CD180: variants seen among roughly 807,000 people sequenced by gnomAD.
The protein encoded by CD180 is CD180 molecule, also known as CD180 antigen.
In CD180, 11 loss-of-function variants were observed where a neutral mutation model predicts 10.7. The ratio of observed to expected loss-of-function variants is 1.03; its 90% CI spans 0.65 to 1.70. The LOEUF is 1.70. Among genes scored for constraint, CD180 ranks in the 40% most tolerant of loss-of-function variants. The pLI is 0.00. For missense variants in CD180, 729 were observed against 775.2 expected (o/e 0.94, Z 0.71); for synonymous variants, 286 against 294.6 (o/e 0.97, Z 0.30).
At chr5:67,191,338 T>G (rs5744489) in intron 1 of CD180, among the ~76,000 whole-genome samples, 11,584 of 152,256 alleles carry the variant, frequency 0.076, 1,173 homozygotes, top group African/African-American at 0.23. Context: ...ATTAATGCGA[T>G]AATGTGTGTC....
At chr5:67,192,381 C>T (rs1022622495) in intron 1 of CD180, among the ~76,000 whole-genome samples, 4 of 151,628 alleles carry the variant, frequency 2.6e-5, no homozygotes, top group Admixed American at 1.3e-4. Context: ...AGTGAGACTC[C>T]GTCTCAAAAG....
At position 67,180,392 on chromosome 5, in the gene CD180, C is replaced by G. The variant is rs1581820112; in HGVS notation, c.*2465G>C. On this transcript the variant is annotated 3_prime_UTR_variant, in exon 3 of 3. Coordinates refer to ENST00000256447, the MANE Select transcript of CD180 (RefSeq NM_005582.3). ...ATCCCTAAGGCAAGAAAGAGCTTAC[C>G]TGTGACAGAATATGCAGGGACTCAA... 1 of 152,348 alleles carries G rather than the reference C, an allele frequency of 6.6e-6. No homozygotes were observed. Among genetic ancestry groups the G allele is most frequent in the East Asian group, 1.9e-4 (1 of 5,194 alleles). The allele number at this position is 152,348 out of a possible 1,614,324, so 9.4% of individuals were successfully genotyped here.
chr5:67,184,476 C>A lies in CD180; in HGVS notation c.367G>T (p.Gly123Trp), dbSNP rs1299290343. 3.1e-6 allele frequency: 5 copies of A among 1,614,004 alleles called. No individual in the cohort carries two copies. Among genetic ancestry groups the A allele is most frequent in the African/African-American group, 1.3e-5 (1 of 74,908 alleles). Residue 123 changes from glycine to tryptophan, a missense_variant, in exon 3 of 3, where the codon GGG (glycine) becomes TGG (tryptophan). Gly to Trp is a radical substitution (Grantham distance 184). Transcript: ENST00000256447. ...LIFMAETSLN[G>W]PKSLKHLFLI... ...AAAAGATGCTTCAGTGACTTGGGCC[C>A]ATTAAGCGATGTTTCTGCCATGAAT... is the stretch of plus-strand genomic sequence containing the variant.
chr5:67,185,460 T>C (rs1742173292), intron 2 of CD180, among the ~76,000 whole-genome samples: 1 of 152,204 alleles, frequency 6.6e-6, no homozygotes, highest in African/African-American at 2.4e-5. Context: ...ATTTTCCAAT[T>C]TGTAGGGGGG....
At chr5:67,192,349 T>C (rs1177908414) in intron 1 of CD180, among the ~76,000 whole-genome samples, 1 of 151,818 alleles carries the variant, frequency 6.6e-6, no homozygotes, top group African/African-American at 2.4e-5. Flanking sequence ...GTCACGCCAC[T>C]GCACTCGAGC....
chr5:67,183,919 A>G lies in CD180; in HGVS notation c.924T>C (p.Thr308=), dbSNP rs750273333. ...TQLQELDLTA[T]HLKGLPSGMK... ...TCCCAGAGGGTAACCCTTTCAAGTG[A>G]GTTGCTGTCAGATCCAATTCTTGGA... The change falls in exon 3 of 3, where the codon ACT becomes ACC. Residue 308 remains threonine, a synonymous_variant. Transcript: ENST00000256447. 1.9e-6 allele frequency: 3 copies of G among 1,614,198 alleles called. No homozygotes were observed. The highest frequency in any genetic ancestry group is 2.7e-5 in the African/African-American group (2 of 75,052).
rs1742004644 is a variant in CD180 at position 67,179,826 on chromosome 5, G to A, written c.*3031C>T. ...TTGCAGCTCATGCAGAGAGTCCTCT[G>A]TGATGGAGGCCAGTCAGCTTTTATG... On this transcript the variant is annotated 3_prime_UTR_variant, in exon 3 of 3. Transcript: ENST00000256447. 1 of 152,282 alleles carries A rather than the reference G, an allele frequency of 6.6e-6. No homozygotes were observed. The highest frequency in any genetic ancestry group is 2.1e-4 in the South Asian group (1 of 4,834). 9.4% of individuals were successfully genotyped at this position (152,282 alleles called of 1,614,324 possible). A position where few individuals can be genotyped will look rare whatever the true frequency, so the allele number is the denominator to read the frequency against.
chr5:67,184,071 T>C lies in CD180; in HGVS notation c.772A>G (p.Ile258Val). Residue 258 changes from isoleucine to valine, a missense_variant, in exon 3 of 3, where the codon ATT becomes GTT. Physicochemically the swap from Ile to Val is conservative, Grantham distance 29 (BLOSUM62 3). Coordinates refer to ENST00000256447, the MANE Select transcript of CD180 (RefSeq NM_005582.3). ...QSLWLGTFED[I>V]DDEDISSAML... is the part of the protein sequence containing the mutation. ...GCTGAACTAATATCTTCGTCATCAA[T>C]GTCCTCAAATGTTCCCAGCCAGAGA... The C allele has an allele frequency of 1.2e-6, 2 of 1,614,224 alleles. No homozygotes were observed. Among genetic ancestry groups the C allele is most frequent in the Non-Finnish European group, 1.7e-6 (2 of 1,180,040 alleles).
At chr5:67,188,245 A>T in intron 1 of CD180, among the ~76,000 whole-genome samples, 1 of 152,080 alleles carries the variant, frequency 6.6e-6, no homozygotes, top group East Asian at 1.9e-4. Context: ...ACCTTCCTCC[A>T]TGGAATCACA....
rs535861684 is a variant in CD180, at chr5:67,184,534, T to C, written c.309A>G (p.Leu103=). 3.3e-4 allele frequency: 531 copies of C among 1,608,080 alleles called. 4 individuals carry two copies. The South Asian group carries it at 5.5e-3, about 17-fold the overall frequency. Residue 103 remains leucine, a synonymous_variant, in exon 3 of 3, where the codon TTA becomes TTG. Coordinates refer to ENST00000256447, the MANE Select transcript of CD180 (RefSeq NM_005582.3). ...GATTTCCAGTTAACACAAGTGTGCT[T>C]AATTGATGATGGCTTTGAAAAGTGT... ...HEDTFQSHHQ[L]STLVLTGNPL... is the part of the protein sequence containing the mutation.
rs1447486007 is a variant in CD180, at chr5:67,186,181, T to G, written c.91-164A>C. The G allele has an allele frequency of 6.7e-6, 3 of 447,172 alleles. No individual in the cohort carries two copies. The Admixed American group carries it at 1.2e-4, about 19-fold the overall frequency. The allele number at this position is 447,172 out of a possible 1,614,324, so 27.7% of individuals were successfully genotyped here. A position where few individuals can be genotyped will look rare whatever the true frequency, so the allele number is the denominator to read the frequency against. On this transcript the variant is annotated intron_variant, in intron 1 of 2. Coordinates refer to ENST00000256447, the MANE Select transcript of CD180 (RefSeq NM_005582.3). ...GATGATGAATGCACATTGTTAACTG[T>G]AGTACTTTTTTTGTAATAGCAAAAT...
At chr5:67,196,398 C>G (rs1742404545) in intron 1 of CD180, among the ~76,000 whole-genome samples, 154 bp downstream of exon 1, 1 of 152,156 alleles carries the variant, frequency 6.6e-6, no homozygotes, top group South Asian at 2.1e-4. Flanking sequence ...TTCTTTGGCT[C>G]CTTTCTCACA....
chr5:67,179,816 A>C lies in CD180; in HGVS notation c.*3041T>G, dbSNP rs1289984796. ...GTTGTAGGAGTTGCAGCTCATGCAG[A>C]GAGTCCTCTGTGATGGAGGCCAGTC... On this transcript the variant is annotated 3_prime_UTR_variant, in exon 3 of 3. Transcript: ENST00000256447. 1 of 152,410 alleles carries C rather than the reference A, an allele frequency of 6.6e-6. No individual in the cohort carries two copies. The highest frequency in any genetic ancestry group is 3.4e-3 in the Middle Eastern group (1 of 294). The allele number at this position is 152,410 out of a possible 1,614,324, so 9.4% of individuals were successfully genotyped here.
rs1742041149 is a variant in CD180 at position 67,181,115 on chromosome 5, T to G, written c.*1742A>C. ...TGTCCCAGGCATGTTCTAGGGTATCTTTAGGCAAAGACCCTCTCATGGCAC... is the reference window on the plus strand; with the variant it reads ...TGTCCCAGGCATGTTCTAGGGTATCGTTAGGCAAAGACCCTCTCATGGCAC... On this transcript the variant is annotated 3_prime_UTR_variant, in exon 3 of 3. Coordinates refer to ENST00000256447, the MANE Select transcript of CD180 (RefSeq NM_005582.3). 6.6e-6 allele frequency: 1 copy of G among 152,142 alleles called. No individual in the cohort carries two copies. The highest frequency in any genetic ancestry group is 2.1e-4 in the South Asian group (1 of 4,828). 9.4% of individuals were successfully genotyped at this position (152,142 alleles called of 1,614,324 possible). A position where few individuals can be genotyped will look rare whatever the true frequency, so the allele number is the denominator to read the frequency against.
rs200675757 is a variant in CD180 at position 67,183,783 on chromosome 5, C to A, written c.1060G>T (p.Gly354Cys). 6 of 1,614,010 alleles carry A rather than the reference C, an allele frequency of 3.7e-6. No homozygotes were observed. The highest frequency in any genetic ancestry group is 5.1e-6 in the Non-Finnish European group (6 of 1,180,022). The stretch of plus-strand genomic sequence containing the variant: ...CCAAGGTGAAGTTTCTTCACGTTGC[C>A]TCTGATGTAGAGGTGTGTAAGGGAG... ...FPSLTHLYIRGNVKKLHLGVG... is the reference protein window; with the variant it reads ...FPSLTHLYIRCNVKKLHLGVG... The change falls in exon 3 of 3, where the codon GGC becomes TGC. Residue 354 changes from glycine to cysteine, a missense_variant. Gly to Cys is a radical substitution (Grantham distance 159). Coordinates refer to ENST00000256447, the MANE Select transcript of CD180 (RefSeq NM_005582.3).
intron 1 of CD180, among the ~76,000 whole-genome samples, chr5:67,194,668 T>G (rs1742368125): frequency 6.6e-6 from 1 of 152,234 alleles, no homozygotes; most frequent in Non-Finnish European, 1.5e-5. Flanking sequence ...TGCAATGCCG[T>G]AGTCTCAGTG....
At chr5:67,193,962 G>C (rs554442473) in intron 1 of CD180, among the ~76,000 whole-genome samples, 2 of 152,286 alleles carry the variant, frequency 1.3e-5, no homozygotes, top group African/African-American at 4.8e-5. Flanking sequence ...CTGATCACTG[G>C]GGGGATGGTG....
Position 67,184,587 on chromosome 5 carries a change from T to C in CD180, c.258-2A>G. 1 of 1,576,448 alleles carries C rather than the reference T, an allele frequency of 6.3e-7. No homozygotes were observed. Among genetic ancestry groups the C allele is most frequent in the Middle Eastern group, 1.7e-4 (1 of 5,936 alleles). On this transcript the variant is annotated splice_acceptor_variant, in intron 2 of 2. Transcript: ENST00000256447. LOFTEE classifies it high-confidence loss of function. ...TCATGTATCCAGTTAATCTGGCACC[T>C]TGAAAAGATAATCGTATTTAACAAT...
chr5:67,183,916 G>A lies in CD180; in HGVS notation c.927C>T (p.His309=). 1 of 1,614,202 alleles carries A rather than the reference G, an allele frequency of 6.2e-7. No homozygotes were observed. The highest frequency in any genetic ancestry group is 8.5e-7 in the Non-Finnish European group (1 of 1,180,034). ...TCATCCCAGAGGGTAACCCTTTCAA[G>A]TGAGTTGCTGTCAGATCCAATTCTT... is the stretch of plus-strand genomic sequence containing the variant. ...QLQELDLTAT[H]LKGLPSGMKG... The change falls in exon 3 of 3, where the codon CAC becomes CAT. Residue 309 remains histidine (H), a synonymous_variant. Coordinates refer to ENST00000256447, the MANE Select transcript of CD180 (RefSeq NM_005582.3).
Sources: gnomAD v4.1 joint callset for allele counts (sites outside exome capture counted in the v4.1 genomes callset) on GRCh38, gnomAD v4.1.1 for gene constraint, MANE v1.5 for transcripts, NCBI Gene and HGNC (gene_info 2026-07-23, HGNC 2026-07-21) for gene names.